Variants in FRMD3 observed in about 807,000 individuals in gnomAD.
FRMD3 encodes the protein FERM domain-containing protein 3.
In FRMD3, 33 loss-of-function variants were observed where a neutral mutation model predicts 70.2. That is an observed-to-expected ratio of 0.47 (90% CI 0.36 to 0.63). The LOEUF is 0.63. Among genes scored for constraint, FRMD3 ranks in the 20% least tolerant of loss-of-function variants. FRMD3 has a pLI of 0.00. For synonymous variants in FRMD3, 279 were observed against 255.9 expected (o/e 1.09, Z -0.86); for missense variants, 632 against 711.4 (o/e 0.89, Z 1.27).
At chr9:83,427,356 C>G in intron 1 of FRMD3, among the ~76,000 whole-genome samples, 1 of 152,234 alleles carries the variant, frequency 6.6e-6, no homozygotes. Context: ...AAGGTGCTGA[C>G]TCCACTCCAT....
At chr9:83,413,370 C>T (rs13440164) in intron 1 of FRMD3, among the ~76,000 whole-genome samples, 6,357 of 152,208 alleles carry the variant, frequency 0.042, 461 homozygotes, top group African/African-American at 0.14. Context: ...CATGTTGGCT[C>T]TTCTCACTGT....
At chr9:83,535,148 A>G (rs748949834) in intron 1 of FRMD3, among the ~76,000 whole-genome samples, 3 of 152,198 alleles carry the variant, frequency 2.0e-5, no homozygotes, top group Non-Finnish European at 1.5e-5. Context: ...AGGGAATAAT[A>G]CCTACTCAAA....
intron 3 of FRMD3, among the ~76,000 whole-genome samples, chr9:83,357,243 A>G (rs1331018966): frequency 0.032 from 34 of 1,064 alleles, 11 homozygotes; most frequent in African/African-American, 0.098. Flanking sequence ...TATATAATAC[A>G]TACATATATA....
chr9:83,426,097 T>C (rs78486648), intron 1 of FRMD3, among the ~76,000 whole-genome samples: 1,898 of 152,158 alleles, frequency 0.012, 47 homozygotes, highest in African/African-American at 0.044. Context: ...AATGTTGACC[T>C]AAATTAGACA....
At chr9:83,449,285 C>CAGCT (rs1487552267) in intron 1 of FRMD3, among the ~76,000 whole-genome samples, 1 of 152,212 alleles carries the variant, frequency 6.6e-6, no homozygotes, top group Non-Finnish European at 1.5e-5. Context: ...AACTCACGAA[C>CAGCT]AGCTCTACGA....
intron 2 of FRMD3, among the ~76,000 whole-genome samples, chr9:83,386,592 CTAA>C (rs1825517093): frequency 1.3e-5 from 2 of 152,164 alleles, no homozygotes; most frequent in African/African-American, 4.8e-5. Context: ...TCATCTTCCC[CTAA>C]TGTTAGCATC....
chr9:83,378,872 A>G (rs898409564), intron 2 of FRMD3, among the ~76,000 whole-genome samples: 1 of 77,016 alleles, frequency 1.3e-5, no homozygotes, highest in Non-Finnish European at 2.9e-5. Context: ...TATATACACT[A>G]TATATATAAA....
At chr9:83,348,935 T>A (rs991958507) in intron 4 of FRMD3, among the ~76,000 whole-genome samples, 9 of 152,192 alleles carry the variant, frequency 5.9e-5, no homozygotes, top group Non-Finnish European at 1.0e-4. Context: ...CAGAGCAGAT[T>A]ACACTTGCTT....
chr9:83,317,949 C>G (rs1820774158), intron 6 of FRMD3, among the ~76,000 whole-genome samples: 1 of 152,072 alleles, frequency 6.6e-6, no homozygotes, highest in African/African-American at 2.4e-5. Flanking sequence ...CAATAAAGAG[C>G]AACAAAATAT....
chr9:83,308,686 T>A (rs1030693384), intron 10 of FRMD3, among the ~76,000 whole-genome samples: 1 of 152,222 alleles, frequency 6.6e-6, no homozygotes, highest in African/African-American at 2.4e-5. Flanking sequence ...TTTTGAAACC[T>A]GAGAGCTTTA....
Position 83,248,044 on chromosome 9 carries a change from G to T in FRMD3, c.1668C>A (p.Leu556=). ...TCTGGCGGATTTCGCATAAGAAGGAGAGATCAATACCTGACTCCAAAAGGA... is the reference window on the plus strand; with the variant it reads ...TCTGGCGGATTTCGCATAAGAAGGATAGATCAATACCTGACTCCAAAAGGA... ...LLLLLESGID[L]SFLCEIRQTP... The change falls in exon 14 of 14, where the codon CTC becomes CTA. Residue 556 remains leucine (L), a synonymous_variant. Coordinates refer to ENST00000304195, the MANE Select transcript of FRMD3 (RefSeq NM_174938.6). The T allele has an allele frequency of 6.2e-7, 1 of 1,614,156 alleles. No individual in the cohort carries two copies. Among genetic ancestry groups the T allele is most frequent in the Non-Finnish European group, 8.5e-7 (1 of 1,180,040 alleles).
intron 1 of FRMD3, among the ~76,000 whole-genome samples, chr9:83,423,493 A>G (rs547503386): frequency 5.4e-5 from 8 of 147,216 alleles, no homozygotes; most frequent in Admixed American, 1.4e-4. Flanking sequence ...AGAGTCTCAT[A>G]TGGTGCTGCC....
intron 13 of FRMD3, among the ~76,000 whole-genome samples, chr9:83,287,149 C>T (rs552369920): frequency 2.4e-4 from 37 of 152,170 alleles, no homozygotes; most frequent in South Asian, 6.2e-4. Context: ...ATTCCCTGGG[C>T]TCCTCCAGTG....
intron 13 of FRMD3, among the ~76,000 whole-genome samples, chr9:83,281,883 C>T (rs1301055967): frequency 6.6e-6 from 1 of 152,190 alleles, no homozygotes; most frequent in Non-Finnish European, 1.5e-5. Flanking sequence ...AAACCAAAGC[C>T]TTGCACCCTG....
intron 2 of FRMD3, among the ~76,000 whole-genome samples, chr9:83,382,479 G>GA (rs1316963749): frequency 6.6e-6 from 1 of 152,154 alleles, no homozygotes; most frequent in Non-Finnish European, 1.5e-5. Context: ...AATAGATGAA[G>GA]AAATTGAGAC....
At chr9:83,427,221 T>C (rs1587842623) in intron 1 of FRMD3, among the ~76,000 whole-genome samples, 1 of 152,258 alleles carries the variant, frequency 6.6e-6, no homozygotes, top group South Asian at 2.1e-4. Context: ...GCCAGGGTGA[T>C]TCCACACATC....
intron 13 of FRMD3, among the ~76,000 whole-genome samples, chr9:83,258,562 C>T (rs1832831894): frequency 6.6e-6 from 1 of 152,230 alleles, no homozygotes; most frequent in Non-Finnish European, 1.5e-5. Context: ...AACTATCTCA[C>T]AAGGCTGTGG....
intron 1 of FRMD3, among the ~76,000 whole-genome samples, chr9:83,419,539 AGT>A (rs1308916838): frequency 1.5e-5 from 2 of 134,258 alleles, no homozygotes; most frequent in African/African-American, 5.4e-5. Context: ...ATGTGTGCTG[AGT>A]GTGTGATATG....
chr9:83,274,971 G>A (rs1274535582), intron 13 of FRMD3, among the ~76,000 whole-genome samples: 2 of 152,208 alleles, frequency 1.3e-5, no homozygotes, highest in African/African-American at 2.4e-5. Flanking sequence ...TGGCTTCCAG[G>A]CCTCTTGCTG....
Sources: allele counts gnomAD v4.1 joint callset (sites outside exome capture counted in the v4.1 genomes callset), GRCh38; gene constraint gnomAD v4.1.1; transcripts MANE v1.5; gene names NCBI Gene and HGNC (gene_info 2026-07-23, HGNC 2026-07-21).